The following TRUB1 variants were observed in gnomAD, a reference collection of about 807,000 sequenced individuals.
TRUB1 encodes TruB pseudouridine synthase family member 1, also known as pseudouridylate synthase TRUB1.
TRUB1 carries 23 observed loss-of-function variants against 33.9 expected under a neutral mutation model. The observed-to-expected ratio is 0.68, with a 90% CI of 0.49 to 0.96. The LOEUF is 0.96. Ranked by LOEUF, TRUB1 falls within the 40% of genes least tolerant of loss-of-function variation. The pLI, the probability that TRUB1 is intolerant of heterozygous loss-of-function variation, is 0.00. For missense variants in TRUB1, 378 were observed against 422.2 expected (o/e 0.90, Z 0.92); for synonymous variants, 163 against 165.4 (o/e 0.99, Z 0.11).
rs779831950 is a variant in TRUB1 at position 114,938,450 on chromosome 10, T to C, written c.197T>C (p.Leu66Pro). Residue 66 changes from leucine to proline, a missense_variant, in exon 1 of 8, where the codon CTG becomes CCG. Leu to Pro is a moderately conservative substitution (Grantham distance 98). Coordinates refer to ENST00000298746, the MANE Select transcript of TRUB1 (RefSeq NM_139169.5). Reference protein sequence around the residue: ...VSKAALATKLLSLSGVFAVHK... With the variant: ...VSKAALATKLPSLSGVFAVHK... ...AAGGCCGCTTTGGCTACCAAGCTGC[T>C]GTCCTTGAGCGGCGTGTTCGCCGTG... 4.4e-6 allele frequency: 7 copies of C among 1,596,374 alleles called. No homozygotes were observed. The African/African-American group carries it at 5.4e-5, about 12-fold the overall frequency.
At chr10:114,962,419 T>A (rs2084288298) in intron 4 of TRUB1, among the ~76,000 whole-genome samples, 1 of 152,236 alleles carries the variant, frequency 6.6e-6, no homozygotes, top group African/African-American at 2.4e-5. Flanking sequence ...AGAGACTCAT[T>A]TTCTTATTCC....
chr10:114,960,827 A>G (rs2084281943), intron 4 of TRUB1, among the ~76,000 whole-genome samples: 1 of 152,146 alleles, frequency 6.6e-6, no homozygotes, highest in South Asian at 2.1e-4. Context: ...TTAAGGAGGC[A>G]TAGGGCAATA....
intron 4 of TRUB1, among the ~76,000 whole-genome samples, chr10:114,962,282 C>T (rs2084287815): frequency 6.6e-6 from 1 of 152,118 alleles, no homozygotes; most frequent in Non-Finnish European, 1.5e-5. Flanking sequence ...TCTTGAACTC[C>T]TGATCAGCAC....
chr10:114,962,671 C>G (rs188020781), intron 4 of TRUB1, among the ~76,000 whole-genome samples: 41 of 152,290 alleles, frequency 2.7e-4, no homozygotes, highest in African/African-American at 8.4e-4. Flanking sequence ...TCCTGTAACA[C>G]AGAGGATCGT....
chr10:114,966,629 C>T (rs2084309918), intron 4 of TRUB1, among the ~76,000 whole-genome samples: 1 of 152,148 alleles, frequency 6.6e-6, no homozygotes, highest in Non-Finnish European at 1.5e-5. Flanking sequence ...TAAGATATCT[C>T]TCTTCATTTA....
At chr10:114,952,223 G>A (rs1365831445) in intron 3 of TRUB1, among the ~76,000 whole-genome samples, 2 of 152,138 alleles carry the variant, frequency 1.3e-5, no homozygotes, top group Non-Finnish European at 2.9e-5. Context: ...CAGATCACTT[G>A]AGGTCAGGAT....
At chr10:114,957,058 G>A (rs932295391) in intron 3 of TRUB1, among the ~76,000 whole-genome samples, 21 of 152,214 alleles carry the variant, frequency 1.4e-4, no homozygotes, top group African/African-American at 5.1e-4. Flanking sequence ...ATGGTGAAAT[G>A]TGAAGAATTG....
intron 3 of TRUB1, among the ~76,000 whole-genome samples, chr10:114,958,665 A>G (rs2084271619): frequency 6.6e-6 from 1 of 152,198 alleles, no homozygotes; most frequent in African/African-American, 2.4e-5. Flanking sequence ...CCCAAATAAA[A>G]TTTGCGTTTG....
intron 4 of TRUB1, among the ~76,000 whole-genome samples, chr10:114,968,659 A>G (rs2084321502): frequency 6.6e-6 from 1 of 152,176 alleles, no homozygotes; most frequent in Admixed American, 6.5e-5. Context: ...GCTAGGTGCT[A>G]GAGAAATTCT....
rs1484701898 is a variant in TRUB1, at chr10:114,974,393, T to C, written c.793+8T>C. 8 of 1,606,152 alleles carry C rather than the reference T, an allele frequency of 5.0e-6. No homozygotes were observed. Among genetic ancestry groups the C allele is most frequent in the Non-Finnish European group, 6.0e-6 (7 of 1,173,458 alleles). On this transcript the variant is annotated splice_region_variant and intron_variant, in intron 7 of 7. Transcript: ENST00000298746. The stretch of plus-strand genomic sequence containing the variant: ...TCAGTGACATTGGAAAAGGTAAGCA[T>C]AAAAATGAATTATGAATTATCATTT...
chr10:114,949,108 C>G (rs932445013), intron 2 of TRUB1, among the ~76,000 whole-genome samples: 1 of 152,206 alleles, frequency 6.6e-6, no homozygotes, highest in African/African-American at 2.4e-5. Flanking sequence ...GCATTATTCA[C>G]TCATTAGGCA....
At chr10:114,942,545 T>C (rs2143020172) in intron 1 of TRUB1, 100 bp from the exon 2 acceptor site, 1 of 736,630 alleles carries the variant, frequency 1.4e-6, no homozygotes, top group Non-Finnish European at 2.3e-6. Context: ...ATACTTTTTG[T>C]TTGTTTTGAA....
intron 4 of TRUB1, chr10:114,969,335 A>C (rs2084324629): frequency 6.6e-6 from 1 of 151,488 alleles, no homozygotes; most frequent in South Asian, 2.1e-4. Context: ...TGGGAGGCTG[A>C]GACACTAGAA....
intron 3 of TRUB1, among the ~76,000 whole-genome samples, chr10:114,958,925 C>G (rs1265576597): frequency 6.6e-6 from 1 of 151,630 alleles, no homozygotes; most frequent in African/African-American, 2.4e-5. Flanking sequence ...CACCTGAGGT[C>G]AGAAGTTCGA....
chr10:114,975,195 C>G lies in TRUB1; in HGVS notation c.866C>G (p.Ala289Gly). The stretch of plus-strand genomic sequence containing the variant: ...GGACCATTTACGCTAGAAGAACATG[C>G]CCTTCCTGAAGACAAATGGACAATT... ...KQGPFTLEEHALPEDKWTIDD... is the reference protein window; with the variant it reads ...KQGPFTLEEHGLPEDKWTIDD... The change falls in exon 8 of 8, where the codon GCC (alanine) becomes GGC (glycine). Residue 289 changes from alanine to glycine, a missense_variant. Coordinates refer to ENST00000298746, the MANE Select transcript of TRUB1 (RefSeq NM_139169.5). The G allele has an allele frequency of 6.2e-7, 1 of 1,613,622 alleles. No individual in the cohort carries two copies. The highest frequency in any genetic ancestry group is 1.1e-5 in the South Asian group (1 of 91,064).
At chr10:114,950,897 G>A (rs930236476) in intron 2 of TRUB1, among the ~76,000 whole-genome samples, 197 bp from the exon 3 acceptor site, 1 of 152,286 alleles carries the variant, frequency 6.6e-6, no homozygotes, top group East Asian at 1.9e-4. Context: ...GTCTTCTCTT[G>A]TCCCTTCTTT....
At chr10:114,962,416 C>T (rs539536325) in intron 4 of TRUB1, among the ~76,000 whole-genome samples, 2 of 152,342 alleles carry the variant, frequency 1.3e-5, no homozygotes, top group South Asian at 2.1e-4. Context: ...GCCAGAGACT[C>T]ATTTTCTTAT....
intron 4 of TRUB1, among the ~76,000 whole-genome samples, chr10:114,967,877 T>C (rs1397616276): frequency 6.6e-6 from 1 of 152,220 alleles, no homozygotes; most frequent in Non-Finnish European, 1.5e-5. Flanking sequence ...GATAACTTGC[T>C]GTGTAGGCTG....
chr10:114,972,015 G>A, intron 5 of TRUB1, 120 bp from the exon 6 acceptor site: 1 of 1,088,592 alleles, frequency 9.2e-7, no homozygotes, highest in South Asian at 1.4e-5. Flanking sequence ...TCATTGTGAA[G>A]CACTGCCAGT....
Sources: allele counts gnomAD v4.1 joint callset (sites outside exome capture counted in the v4.1 genomes callset), GRCh38; gene constraint gnomAD v4.1.1; transcripts MANE v1.5; gene names NCBI Gene and HGNC (gene_info 2026-07-23, HGNC 2026-07-21).